Variants in ZNF138 observed in about 807,000 individuals in gnomAD.
ZNF138 encodes the protein zinc finger protein 138 (clone pHZ-32).
ZNF138 carries 33 observed loss-of-function variants against 33.0 expected under a neutral mutation model. The ratio of observed to expected loss-of-function variants is 1.00; its 90% CI spans 0.76 to 1.34. The LOEUF (loss-of-function observed/expected upper bound fraction) is 1.34, where lower values mean the gene tolerates loss of function less well. Among genes scored for constraint, ZNF138 ranks in the 40% most tolerant of loss-of-function variants. ZNF138 has a pLI of 0.00. For synonymous variants in ZNF138, 139 were observed against 120.4 expected (o/e 1.15, Z -1.01); for missense variants, 360 against 370.8 (o/e 0.97, Z 0.24).
At chr7:64,839,713 C>A in the ZNF138 span, among the ~76,000 whole-genome samples, 43 of 152,150 alleles carry the variant, frequency 2.8e-4, no homozygotes, top group Non-Finnish European at 8.8e-5. Flanking sequence ...GGAGGAGAAG[C>A]CTGACCTGAC....
chr7:64,802,204 A>G (rs181063314), intron 1 of ZNF138, among the ~76,000 whole-genome samples: 1 of 152,344 alleles, frequency 6.6e-6, no homozygotes, highest in East Asian at 1.9e-4. Flanking sequence ...CAGTTGGTTG[A>G]GTATATCTGA....
intron 3 of ZNF138, among the ~76,000 whole-genome samples, chr7:64,819,504 A>G: frequency 6.6e-6 from 1 of 151,750 alleles, no homozygotes; most frequent in Non-Finnish European, 1.5e-5. Context: ...AGTGGCTAGG[A>G]TTACAGGTGG....
Position 64,831,620 on chromosome 7 carries a change from A to C in ZNF138, c.378A>C (p.Gly126=). ...AGGGACACCAAGGAGGTTTTAATGGACTTAACCAATGTTTGAAAATTACCA... is the reference window on the plus strand; with the variant it reads ...AGGGACACCAAGGAGGTTTTAATGGCCTTAACCAATGTTTGAAAATTACCA... ...ECKGHQGGFN[G]LNQCLKITTS... Residue 126 remains glycine (G), a synonymous_variant, in exon 4 of 4, where the codon GGA becomes GGC. Transcript: ENST00000307355. The C allele has an allele frequency of 6.2e-7, 1 of 1,610,712 alleles. No homozygotes were observed. Among genetic ancestry groups the C allele is most frequent in the Non-Finnish European group, 8.5e-7 (1 of 1,178,808 alleles).
chr7:64,800,147 T>G (rs1015440601), intron 1 of ZNF138, among the ~76,000 whole-genome samples: 9 of 152,344 alleles, frequency 5.9e-5, no homozygotes, highest in African/African-American at 1.7e-4. Flanking sequence ...TGAACAGGGA[T>G]AGTTTGACTT....
chr7:64,828,947 T>C (rs537106872), intron 3 of ZNF138, among the ~76,000 whole-genome samples: 3 of 152,302 alleles, frequency 2.0e-5, no homozygotes, highest in South Asian at 2.1e-4. Context: ...ACAACACTTA[T>C]TATTTCAACC....
the ZNF138 span, among the ~76,000 whole-genome samples, chr7:64,860,516 G>A: frequency 6.6e-5 from 10 of 152,038 alleles, no homozygotes; most frequent in Non-Finnish European, 2.9e-5. Context: ...AAATCTTTTG[G>A]TATGCAATAA....
At chr7:64,806,076 CTCTTT>C (rs1012090954) in intron 1 of ZNF138, among the ~76,000 whole-genome samples, 3 of 152,190 alleles carry the variant, frequency 2.0e-5, no homozygotes, top group Non-Finnish European at 2.9e-5. Context: ...TGCTGGAGAA[CTCTTT>C]TCTTTTAATT....
intron 1 of ZNF138, among the ~76,000 whole-genome samples, chr7:64,796,308 G>C (rs1786685034): frequency 6.6e-6 from 1 of 152,182 alleles, no homozygotes; most frequent in Non-Finnish European, 1.5e-5. Context: ...TTCAGAGAGG[G>C]TGGTCGTTTA....
chr7:64,828,646 T>C (rs1359625720), intron 3 of ZNF138, among the ~76,000 whole-genome samples: 1 of 152,176 alleles, frequency 6.6e-6, no homozygotes, highest in African/African-American at 2.4e-5. Context: ...TATGACTGTA[T>C]ATTTGAAAGT....
chr7:64,801,256 G>A (rs62456799), intron 1 of ZNF138, among the ~76,000 whole-genome samples: 1 of 151,960 alleles, frequency 6.6e-6, no homozygotes, highest in Non-Finnish European at 1.5e-5. Flanking sequence ...ATAATGTTAG[G>A]TTGTTAAATT....
At chr7:64,859,248 C>T in the ZNF138 span, among the ~76,000 whole-genome samples, 3 of 152,182 alleles carry the variant, frequency 2.0e-5, no homozygotes, top group East Asian at 1.9e-4. Context: ...TTTAGTGATA[C>T]TCAGATATGT....
chr7:64,853,318 C>T, the ZNF138 span: 19 of 1,608,070 alleles, frequency 1.2e-5, no homozygotes, highest in Middle Eastern at 1.8e-4. Flanking sequence ...TTGTCCAATT[C>T]GTAACTTTCC....
At chr7:64,821,051 T>TTTTA (rs1789096936) in intron 3 of ZNF138, among the ~76,000 whole-genome samples, 1 of 5,534 alleles carries the variant, frequency 1.8e-4, no homozygotes, top group Non-Finnish European at 1.3e-3. Context: ...TTTTGTTTTG[T>TTTTA]TTTTGGTTTT....
At chr7:64,799,704 T>C (rs149768049) in intron 1 of ZNF138, among the ~76,000 whole-genome samples, 2,183 of 152,176 alleles carry the variant, frequency 0.014, 53 homozygotes, top group African/African-American at 0.05. Flanking sequence ...AGTGCAATGG[T>C]GCAATCTTGG....
the ZNF138 span, among the ~76,000 whole-genome samples, chr7:64,860,234 T>G: frequency 6.6e-6 from 1 of 152,242 alleles, no homozygotes; most frequent in Non-Finnish European, 1.5e-5. Context: ...TAAATCAAGC[T>G]AAGTAACAAA....
intron 3 of ZNF138, among the ~76,000 whole-genome samples, chr7:64,821,316 C>T (rs1280024066): frequency 6.6e-6 from 1 of 151,028 alleles, no homozygotes; most frequent in Non-Finnish European, 1.5e-5. Flanking sequence ...GTCTTGATCT[C>T]GTGACATTGT....
chr7:64,796,022 A>G (rs1786660575), intron 1 of ZNF138, among the ~76,000 whole-genome samples: 2 of 152,176 alleles, frequency 1.3e-5, no homozygotes, highest in Admixed American at 1.3e-4. Context: ...CTTCCTTTGA[A>G]AAGCAAACCC....
chr7:64,830,345 G>A (rs1285207780), intron 3 of ZNF138, among the ~76,000 whole-genome samples: 1 of 151,604 alleles, frequency 6.6e-6, no homozygotes, highest in East Asian at 1.9e-4. Context: ...TCCACAATTT[G>A]TTTTTTAATA....
At chr7:64,802,623 G>A (rs951703566) in intron 1 of ZNF138, among the ~76,000 whole-genome samples, 9 of 141,614 alleles carry the variant, frequency 6.4e-5, no homozygotes, top group African/African-American at 1.7e-4. Context: ...GAGAATTTAT[G>A]GTTTGTAGGG....
Sources: gnomAD v4.1 joint callset for allele counts (sites outside exome capture counted in the v4.1 genomes callset) on GRCh38, gnomAD v4.1.1 for gene constraint, MANE v1.5 for transcripts, NCBI Gene and HGNC (gene_info 2026-07-23, HGNC 2026-07-21) for gene names.